The following SMURF1 variants were observed in gnomAD, a reference collection of about 807,000 sequenced individuals.
SMURF1 encodes the protein SMAD specific E3 ubiquitin protein ligase 1, also known as E3 ubiquitin-protein ligase SMURF1.
Under a neutral mutation model 98.0 loss-of-function variants are expected in SMURF1, and 44 were observed. The ratio of observed to expected loss-of-function variants is 0.45; its 90% confidence interval spans 0.35 to 0.58. SMURF1 has a LOEUF of 0.58. SMURF1 is among the 20% of genes least tolerant of loss of function. The probability of loss-of-function intolerance (pLI) is 0.00; values close to 1 mark genes in which losing one functional copy is unlikely to be tolerated. For synonymous variants in SMURF1, 396 were observed against 374.9 expected, an observed-to-expected ratio of 1.06 and a Z score of -0.65; for missense variants, 687 against 938.4, an observed-to-expected ratio of 0.73 and a Z score of 3.50.
intron 1 of SMURF1, among the ~76,000 whole-genome samples, chr7:99,119,703 C>T (rs934101097): frequency 1.3e-5 from 2 of 152,184 alleles, no homozygotes; most frequent in Non-Finnish European, 2.9e-5. Flanking sequence ...CCTCCTCTCA[C>T]TTCAGATCTC....
Position 99,028,023 on chromosome 7 carries a change from G to C in SMURF1, c.*2561C>G, listed in dbSNP as rs1470678111. ...TCCTACTGAAAGCACTGGCGGAGTG[G>C]TGTTAGCTACATCCCTGAGTGTCGG... On this transcript the variant is annotated 3_prime_UTR_variant, in exon 18 of 18. Transcript: ENST00000361368. 6.5e-6 allele frequency: 1 copy of C among 152,728 alleles called. No individual in the cohort carries two copies. The highest frequency in any genetic ancestry group is 1.5e-5 in the Non-Finnish European group (1 of 68,120). The allele number at this position is 152,728 out of a possible 1,614,324, so 9.5% of individuals were successfully genotyped here.
Position 99,040,296 on chromosome 7 carries a change from C to T in SMURF1, c.1550+82G>A, listed in dbSNP as rs560593035. The T allele has an allele frequency of 1.5e-4, 184 of 1,190,522 alleles. 1 individual carries two copies. In the South Asian group the frequency reaches 3.1e-3, roughly 20 times the overall value. 73.7% of individuals were successfully genotyped at this position (1,190,522 alleles called of 1,614,324 possible). On this transcript the variant is annotated intron_variant, in intron 13 of 17. Coordinates refer to ENST00000361368, the MANE Select transcript of SMURF1 (RefSeq NM_181349.3). ...CACATCCCCAAAATACACACACACG[C>T]GCGCGCGCGCGCACGCGCATACATA... is the stretch of plus-strand genomic sequence containing the variant.
chr7:99,126,994 G>A (rs558036699), intron 1 of SMURF1, among the ~76,000 whole-genome samples: 5 of 152,228 alleles, frequency 3.3e-5, no homozygotes, highest in South Asian at 4.1e-4. Flanking sequence ...GGCCAGCTTC[G>A]GCTTCACGTA....
intron 1 of SMURF1, among the ~76,000 whole-genome samples, chr7:99,132,010 G>C (rs1020024386): frequency 1.3e-5 from 2 of 152,180 alleles, no homozygotes; most frequent in African/African-American, 4.8e-5. Flanking sequence ...AGCCCTGAGG[G>C]AGAGGCTAAG....
At chr7:99,042,031 A>G in intron 12 of SMURF1, 87 bp downstream of exon 12, 1 of 1,087,954 alleles carries the variant, frequency 9.2e-7, no homozygotes, top group South Asian at 1.3e-5. Context: ...TCTACAACAA[A>G]TAGACCAAGG....
chr7:99,138,435 T>G (rs1168606415), intron 1 of SMURF1, among the ~76,000 whole-genome samples: 2 of 152,208 alleles, frequency 1.3e-5, no homozygotes, highest in African/African-American at 2.4e-5. Flanking sequence ...TGAGGAAATA[T>G]TTCATAAATA....
chr7:99,040,210 C>T (rs1052336031), intron 13 of SMURF1, among the ~76,000 whole-genome samples, 168 bp downstream of exon 13: 4 of 146,300 alleles, frequency 2.7e-5, no homozygotes, highest in Admixed American at 6.7e-5. Flanking sequence ...TTGATCTGCC[C>T]GCCTCCGCCT....
chr7:99,072,983 G>A (rs1042500602), intron 1 of SMURF1, among the ~76,000 whole-genome samples: 26 of 152,280 alleles, frequency 1.7e-4, no homozygotes, highest in African/African-American at 4.1e-4. Flanking sequence ...GCAACAGCTC[G>A]AGGTGACCTG....
chr7:99,094,050 G>A (rs1472502667), intron 1 of SMURF1, among the ~76,000 whole-genome samples: 1 of 152,112 alleles, frequency 6.6e-6, no homozygotes, highest in Non-Finnish European at 1.5e-5. Flanking sequence ...GTGTGTGCGT[G>A]ATGTGTGTGT....
intron 7 of SMURF1, 116 bp from the exon 8 acceptor site, chr7:99,051,557 T>A: frequency 1.3e-6 from 1 of 793,734 alleles, no homozygotes; most frequent in Non-Finnish European, 2.2e-6. Flanking sequence ...ACTCCCCTCT[T>A]ATCCCAGTTC....
chr7:99,068,524 A>G (rs1584474804), intron 1 of SMURF1, among the ~76,000 whole-genome samples: 1 of 152,066 alleles, frequency 6.6e-6, no homozygotes, highest in Admixed American at 6.6e-5. Context: ...TGCTCCAAAC[A>G]CCTGGCCTCA....
intron 1 of SMURF1, among the ~76,000 whole-genome samples, chr7:99,118,251 A>G (rs1211367893): frequency 2.0e-5 from 3 of 152,250 alleles, no homozygotes. Flanking sequence ...GCAGTCCCTC[A>G]AAATTTAAAT....
At chr7:99,101,861 G>T (rs1797089184) in intron 1 of SMURF1, among the ~76,000 whole-genome samples, 1 of 151,842 alleles carries the variant, frequency 6.6e-6, no homozygotes, top group African/African-American at 2.4e-5. Flanking sequence ...TTTGAACAGG[G>T]AGGCGGAGGT....
intron 1 of SMURF1, among the ~76,000 whole-genome samples, chr7:99,086,252 G>T (rs1378341899): frequency 6.6e-6 from 1 of 151,986 alleles, no homozygotes; most frequent in Non-Finnish European, 1.5e-5. Flanking sequence ...AGGCTGAGGT[G>T]GGAGAATCAC....
chr7:99,043,466 C>A (rs184727186), intron 11 of SMURF1, among the ~76,000 whole-genome samples: 1 of 152,276 alleles, frequency 6.6e-6, no homozygotes, highest in East Asian at 1.9e-4. Context: ...ACTCTTTCCA[C>A]TACAGCATCA....
chr7:99,125,766 A>G (rs1264368668), intron 1 of SMURF1, among the ~76,000 whole-genome samples: 1 of 152,152 alleles, frequency 6.6e-6, no homozygotes, highest in African/African-American at 2.4e-5. Context: ...ATCCCATGCT[A>G]TCCTCAGGGC....
At chr7:99,131,602 G>A (rs1797873457) in intron 1 of SMURF1, among the ~76,000 whole-genome samples, 1 of 152,102 alleles carries the variant, frequency 6.6e-6, no homozygotes, top group African/African-American at 2.4e-5. Context: ...AAATTAGCTG[G>A]GCATGGTGGC....
At chr7:99,078,020 C>T (rs758240408) in intron 1 of SMURF1, among the ~76,000 whole-genome samples, 7 of 152,102 alleles carry the variant, frequency 4.6e-5, no homozygotes, top group Non-Finnish European at 1.0e-4. Flanking sequence ...GCACCAGTGC[C>T]GGGCACAGTC....
intron 1 of SMURF1, among the ~76,000 whole-genome samples, chr7:99,126,951 A>C (rs915323382): frequency 8.5e-6 from 1 of 117,542 alleles, no homozygotes; most frequent in African/African-American, 3.3e-5. Flanking sequence ...CGTGTTCAGC[A>C]TAGGTTGGGT....
Sources: gnomAD v4.1 joint callset for allele counts (sites outside exome capture counted in the v4.1 genomes callset) on GRCh38, gnomAD v4.1.1 for gene constraint, MANE v1.5 for transcripts, NCBI Gene and HGNC (gene_info 2026-07-23, HGNC 2026-07-21) for gene names.